FMN2: variants seen among roughly 807,000 people sequenced by gnomAD.
FMN2 encodes the protein formin-2.
In FMN2, 51 loss-of-function variants were observed where a neutral mutation model predicts 142.3. The observed-to-expected ratio is 0.36, with a 90% CI of 0.29 to 0.45. The LOEUF (loss-of-function observed/expected upper bound fraction) is 0.45, where lower values mean the gene tolerates loss of function less well. Ranked by LOEUF, FMN2 falls within the 20% of genes least tolerant of loss-of-function variation. FMN2 has a pLI of 1.00. For missense variants in FMN2, 1,936 were observed against 2,122.8 expected (o/e 0.91, Z 1.73); for synonymous variants, 882 against 869.8 (o/e 1.01, Z -0.25).
At chr1:240,177,002 C>T (rs1057309824) in intron 2 of FMN2, among the ~76,000 whole-genome samples, 14 of 152,186 alleles carry the variant, frequency 9.2e-5, no homozygotes, top group African/African-American at 2.4e-4. Flanking sequence ...TTTGTAGTCT[C>T]GACCCAGTGA....
chr1:240,136,895 A>G (rs1553330247), intron 2 of FMN2, among the ~76,000 whole-genome samples: 1 of 151,900 alleles, frequency 6.6e-6, no homozygotes, highest in Non-Finnish European at 1.5e-5. Flanking sequence ...ACATGGTGAA[A>G]CCCTGTCTCT....
At chr1:240,143,727 G>A (rs879177128) in intron 2 of FMN2, 1 of 1,549,770 alleles carries the variant, frequency 6.5e-7, no homozygotes, top group African/African-American at 1.4e-5. Flanking sequence ...GAGCATAAGA[G>A]TCCTTGAGCT....
chr1:240,345,670 A>T (rs1671885776), intron 13 of FMN2, among the ~76,000 whole-genome samples: 1 of 151,952 alleles, frequency 6.6e-6, no homozygotes, highest in African/African-American at 2.4e-5. Flanking sequence ...TTTAGTAGAG[A>T]CAGGGTTTCG....
At chr1:240,346,378 C>T (rs1671908010) in intron 13 of FMN2, among the ~76,000 whole-genome samples, 1 of 152,058 alleles carries the variant, frequency 6.6e-6, no homozygotes, top group Admixed American at 6.6e-5. Flanking sequence ...TGTGGTATCT[C>T]TCTCTCTCTC....
intron 2 of FMN2, among the ~76,000 whole-genome samples, chr1:240,156,336 C>G (rs1031401503): frequency 2.0e-5 from 3 of 152,126 alleles, no homozygotes; most frequent in African/African-American, 7.2e-5. Context: ...TAAAAAAAAT[C>G]CATTTGTTTA....
At chr1:240,328,692 T>C (rs1249274635) in intron 8 of FMN2, among the ~76,000 whole-genome samples, 3 of 151,954 alleles carry the variant, frequency 2.0e-5, no homozygotes, top group Admixed American at 6.6e-5. Context: ...CAGGTTCAGG[T>C]GATTCTCCTG....
At chr1:240,322,034 A>G (rs180905173) in intron 8 of FMN2, among the ~76,000 whole-genome samples, 14 of 152,288 alleles carry the variant, frequency 9.2e-5, no homozygotes, top group African/African-American at 3.4e-4. Context: ...TAGCTTATCT[A>G]TCAAATATCA....
chr1:240,240,490 A>C (rs1045790951), intron 6 of FMN2, among the ~76,000 whole-genome samples: 4 of 152,218 alleles, frequency 2.6e-5, no homozygotes, highest in Non-Finnish European at 5.9e-5. Context: ...TATTATCTGC[A>C]TCACGTCTTT....
At chr1:240,246,144 C>T (rs2168558) in intron 6 of FMN2, among the ~76,000 whole-genome samples, 51,343 of 151,664 alleles carry the variant, frequency 0.34, 8,715 homozygotes, top group Middle Eastern at 0.42. Flanking sequence ...CGCACCACTG[C>T]ACTCCAGCCT....
chr1:240,257,749 G>T (rs528524860), intron 6 of FMN2, among the ~76,000 whole-genome samples, 196 bp from the exon 7 acceptor site: 1 of 152,184 alleles, frequency 6.6e-6, no homozygotes, highest in East Asian at 1.9e-4. Context: ...GGGGAAAATG[G>T]TGGATTTTGA....
intron 1 of FMN2, among the ~76,000 whole-genome samples, chr1:240,105,545 A>C (rs187696761): frequency 1.3e-5 from 2 of 152,320 alleles, no homozygotes; most frequent in Admixed American, 1.3e-4. Flanking sequence ...ATTTTATCTG[A>C]GAATGTGAAA....
chr1:240,466,148 A>C (rs1412793073), intron 16 of FMN2, among the ~76,000 whole-genome samples: 1 of 152,244 alleles, frequency 6.6e-6, no homozygotes, highest in Non-Finnish European at 1.5e-5. Context: ...AATAATAGGA[A>C]TTTAAAACAA....
At chr1:240,399,836 C>A (rs1277907884) in intron 15 of FMN2, among the ~76,000 whole-genome samples, 1 of 151,910 alleles carries the variant, frequency 6.6e-6, no homozygotes, top group Non-Finnish European at 1.5e-5. Flanking sequence ...GACTAGGGGC[C>A]CCCCACCTCA....
chr1:240,138,974 A>G (rs995115525), intron 2 of FMN2, among the ~76,000 whole-genome samples: 1 of 152,230 alleles, frequency 6.6e-6, no homozygotes, highest in African/African-American at 2.4e-5. Context: ...CTCAAACTCC[A>G]AGAGTCAGAA....
chr1:240,152,957 T>C (rs1357152212), intron 2 of FMN2, among the ~76,000 whole-genome samples: 1 of 152,224 alleles, frequency 6.6e-6, no homozygotes, highest in African/African-American at 2.4e-5. Flanking sequence ...TTGGGTGAGT[T>C]ACTTATTTGA....
chr1:240,455,527 A>G (rs549807863), intron 16 of FMN2, among the ~76,000 whole-genome samples: 1 of 152,278 alleles, frequency 6.6e-6, no homozygotes, highest in South Asian at 2.1e-4. Flanking sequence ...TAAAATTAGT[A>G]CCATTGGTGC....
At chr1:240,106,042 G>A (rs1223183385) in intron 1 of FMN2, among the ~76,000 whole-genome samples, 3 of 152,016 alleles carry the variant, frequency 2.0e-5, no homozygotes, top group Non-Finnish European at 2.9e-5. Flanking sequence ...TTAGTACGTT[G>A]TGTCTTACAT....
chr1:240,347,594 T>C (rs1287776702), intron 13 of FMN2, among the ~76,000 whole-genome samples: 1 of 152,190 alleles, frequency 6.6e-6, no homozygotes, highest in Non-Finnish European at 1.5e-5. Context: ...ATGTGCCTTT[T>C]TGTTACAAAG....
At chr1:240,110,417 T>G (rs1000917755) in intron 1 of FMN2, among the ~76,000 whole-genome samples, 2 of 152,196 alleles carry the variant, frequency 1.3e-5, no homozygotes, top group African/African-American at 4.8e-5. Context: ...TAAAATACTT[T>G]TTACTTTTTA....
Sources: allele counts gnomAD v4.1 joint callset (sites outside exome capture counted in the v4.1 genomes callset), GRCh38; gene constraint gnomAD v4.1.1; transcripts MANE v1.5; gene names NCBI Gene and HGNC (gene_info 2026-07-23, HGNC 2026-07-21).